DOCK8: variants seen among roughly 807,000 people sequenced by gnomAD.
The protein encoded by DOCK8 is dedicator of cytokinesis 8.
DOCK8 carries 141 observed loss-of-function variants against 245.6 expected under a neutral mutation model. The observed-to-expected ratio is 0.57, with a 90% CI of 0.50 to 0.66. DOCK8 has a LOEUF of 0.66. Ranked by LOEUF, DOCK8 falls within the 30% of genes least tolerant of loss-of-function variation. The pLI, the probability that DOCK8 is intolerant of heterozygous loss-of-function variation, is 0.00. For missense variants in DOCK8, 2,965 were observed against 2,603.4 expected (o/e 1.14, Z -3.02); for synonymous variants, 1,168 against 970.2 (o/e 1.20, Z -3.79).
At chr9:230,079 G>A (rs1046806092) in intron 1 of DOCK8, among the ~76,000 whole-genome samples, 14 of 112,406 alleles carry the variant, frequency 1.2e-4, no homozygotes, top group African/African-American at 3.3e-4. Context: ...AACAGTCCCC[G>A]GTGTGTGATA....
chr9:296,189 G>T (rs1320836525), intron 4 of DOCK8, among the ~76,000 whole-genome samples: 1 of 152,156 alleles, frequency 6.6e-6, no homozygotes, highest in Non-Finnish European at 1.5e-5. Context: ...ATGGCGCCAT[G>T]TTTGCTTGTT....
intron 39 of DOCK8, 150 bp downstream of exon 39, chr9:435,125 T>C (rs1256228149): frequency 2.3e-6 from 2 of 886,202 alleles, no homozygotes; most frequent in Non-Finnish European, 3.6e-6. Context: ...ATCTGACTGG[T>C]AGAAGCCAGG....
At chr9:365,975 C>T (rs984182187) in intron 14 of DOCK8, 2 of 215,062 alleles carry the variant, frequency 9.3e-6, no homozygotes, top group South Asian at 1.3e-4. Context: ...GGCTCTGCCT[C>T]TGTTTAGACA....
At chr9:352,021 T>C (rs2052194885) in intron 14 of DOCK8, among the ~76,000 whole-genome samples, 1 of 152,188 alleles carries the variant, frequency 6.6e-6, no homozygotes, top group African/African-American at 2.4e-5. Context: ...GCGTCGAGCA[T>C]GTGGCAGTTT....
chr9:411,611 T>A (rs1419633487), intron 28 of DOCK8, among the ~76,000 whole-genome samples: 1 of 152,062 alleles, frequency 6.6e-6, no homozygotes, highest in African/African-American at 2.4e-5. Context: ...GAAGCTAGCA[T>A]TACCCTATAC....
chr9:353,599 G>C (rs941519280), intron 14 of DOCK8, among the ~76,000 whole-genome samples: 1 of 152,078 alleles, frequency 6.6e-6, no homozygotes, highest in South Asian at 2.1e-4. Flanking sequence ...GGAAAAATGT[G>C]CTTTCTCTGT....
At chr9:418,803 G>C (rs2056147377) in intron 30 of DOCK8, among the ~76,000 whole-genome samples, 1 of 152,102 alleles carries the variant, frequency 6.6e-6, no homozygotes. Flanking sequence ...TCCTTGCAAA[G>C]GAGATCAAAC....
At chr9:293,199 C>T (rs186347823) in intron 4 of DOCK8, among the ~76,000 whole-genome samples, 87 of 152,242 alleles carry the variant, frequency 5.7e-4, no homozygotes, top group African/African-American at 2.0e-3. Context: ...AAAGTTGCAT[C>T]TCTTTCTATC....
intron 30 of DOCK8, among the ~76,000 whole-genome samples, chr9:419,546 C>T (rs994942010): frequency 5.3e-5 from 8 of 152,188 alleles, no homozygotes; most frequent in Admixed American, 5.2e-4. Context: ...TGTCAACAAA[C>T]TCAGAATAAC....
At chr9:239,833 A>G (rs2047339809) in intron 1 of DOCK8, among the ~76,000 whole-genome samples, 1 of 152,220 alleles carries the variant, frequency 6.6e-6, no homozygotes, top group African/African-American at 2.4e-5. Flanking sequence ...TTTAAAAAAT[A>G]TCATGAACAA....
At chr9:378,193 T>G (rs910452441) in intron 20 of DOCK8, among the ~76,000 whole-genome samples, 1 of 151,912 alleles carries the variant, frequency 6.6e-6, no homozygotes, top group Non-Finnish European at 1.5e-5. Flanking sequence ...GAGGGTGGTA[T>G]CAAAGGAGAG....
chr9:348,212 T>C (rs1324129163), intron 14 of DOCK8, among the ~76,000 whole-genome samples: 2 of 152,172 alleles, frequency 1.3e-5, no homozygotes, highest in Non-Finnish European at 2.9e-5. Flanking sequence ...ATCGAAATCT[T>C]CTCATTTTGG....
intron 1 of DOCK8, among the ~76,000 whole-genome samples, chr9:258,413 A>T (rs912288776): frequency 1.3e-5 from 2 of 152,138 alleles, no homozygotes; most frequent in African/African-American, 4.8e-5. Context: ...CACAAATCAG[A>T]GTGGAGAAAT....
In DOCK8 at chr9:328,131, C is replaced by G; in HGVS notation, c.1004C>G (p.Ser335Ter). The change falls in exon 9 of 48, where the codon TCA becomes TGA. Residue 335 changes from serine to a stop codon, truncating the protein, a stop_gained. Coordinates refer to ENST00000432829, the MANE Select transcript of DOCK8 (RefSeq NM_203447.4). LOFTEE classifies it high-confidence loss of function. ...ASSQARSAVF[S>*]VTYPSSDIYL... ...AGTCAGGCGAGATCTGCAGTCTTCT[C>G]AGTCACCTACCCGTCCTCAGACATC... is the stretch of plus-strand genomic sequence containing the variant. 2 of 1,614,172 alleles carry G rather than the reference C, an allele frequency of 1.2e-6. No individual in the cohort carries two copies. The highest frequency in any genetic ancestry group is 1.7e-6 in the Non-Finnish European group (2 of 1,180,016).
intron 1 of DOCK8, among the ~76,000 whole-genome samples, chr9:267,684 T>C (rs1587691865): frequency 6.6e-6 from 1 of 152,372 alleles, no homozygotes; most frequent in East Asian, 1.9e-4. Flanking sequence ...TTTTTTACTG[T>C]AGCTTACTTT....
intron 5 of DOCK8, among the ~76,000 whole-genome samples, chr9:306,165 G>A (rs1003734922): frequency 5.3e-5 from 8 of 152,172 alleles, no homozygotes; most frequent in African/African-American, 1.4e-4. Flanking sequence ...GCTTCCATGT[G>A]TCTTCATAAT....
At chr9:396,699 A>G in intron 24 of DOCK8, 86 bp from the exon 25 acceptor site, 1 of 1,564,444 alleles carries the variant, frequency 6.4e-7, no homozygotes, top group Non-Finnish European at 8.8e-7. Context: ...GTTAGAGAGC[A>G]TTTCTGTGAG....
chr9:357,731 G>T (rs901762594), intron 14 of DOCK8, among the ~76,000 whole-genome samples: 8 of 152,196 alleles, frequency 5.3e-5, no homozygotes, highest in East Asian at 1.9e-4. Context: ...GCAAGCTGCT[G>T]CTTGCGATAA....
chr9:396,857 C>G lies in DOCK8; in HGVS notation c.3043C>G (p.Arg1015Gly), dbSNP rs369901029. The change falls in exon 25 of 48, where the codon CGT becomes GGT. Residue 1015 changes from arginine (R) to glycine (G), a missense_variant. Coordinates refer to ENST00000432829, the MANE Select transcript of DOCK8 (RefSeq NM_203447.4). ...TTTTCGGAGGACTCGTTTTTCTGAC[C>G]GTTTCATGGATGACATAACTACTAT... Reference protein sequence around the residue: ...DSFRRTRFSDRFMDDITTIVN... With the variant: ...DSFRRTRFSDGFMDDITTIVN... 1 of 1,614,020 alleles carries G rather than the reference C, an allele frequency of 6.2e-7. No homozygotes were observed. The highest frequency in any genetic ancestry group is 8.5e-7 in the Non-Finnish European group (1 of 1,180,000).
Sources: allele counts gnomAD v4.1 joint callset (sites outside exome capture counted in the v4.1 genomes callset), GRCh38; gene constraint gnomAD v4.1.1; transcripts MANE v1.5; gene names NCBI Gene and HGNC (gene_info 2026-07-23, HGNC 2026-07-21).